The following IL12B variants were observed in gnomAD, a reference collection of about 807,000 sequenced individuals.
The protein encoded by IL12B is interleukin 12B.
IL12B carries 27 observed loss-of-function variants against 39.2 expected under a neutral mutation model. The ratio of observed to expected loss-of-function variants is 0.69; its 90% confidence interval spans 0.51 to 0.95. The LOEUF is 0.95. Ranked by LOEUF, IL12B falls within the 40% of genes least tolerant of loss-of-function variation. The pLI, the probability that IL12B is intolerant of heterozygous loss-of-function variation, is 0.00. For synonymous variants in IL12B, 142 were observed against 152.1 expected, an observed-to-expected ratio of 0.93 and a Z score of 0.49; for missense variants, 351 against 397.6, an observed-to-expected ratio of 0.88 and a Z score of 1.00.
chr5:159,318,626 G>C, intron 6 of IL12B, 110 bp downstream of exon 6: 7 of 1,010,400 alleles, frequency 6.9e-6, no homozygotes, highest in Non-Finnish European at 1.1e-5. Flanking sequence ...TATCCCTGTT[G>C]TTAAGTGATA....
chr5:159,323,413 A>G, intron 2 of IL12B, 84 bp from the exon 3 acceptor site: 1 of 1,308,694 alleles, frequency 7.6e-7, no homozygotes, highest in Non-Finnish European at 1.1e-6. Flanking sequence ...GGGCATCCCC[A>G]TTGCCTAAAC....
At chr5:159,326,222 C>G (rs1754185513) in intron 2 of IL12B, among the ~76,000 whole-genome samples, 1 of 152,104 alleles carries the variant, frequency 6.6e-6, no homozygotes, top group Non-Finnish European at 1.5e-5. Flanking sequence ...ATTGACAGAC[C>G]TAGGACTTGA....
At chr5:159,319,534 G>C (rs1343821679) in intron 5 of IL12B, among the ~76,000 whole-genome samples, 3 of 152,200 alleles carry the variant, frequency 2.0e-5, no homozygotes, top group Admixed American at 6.5e-5. Context: ...GCAGAGACAT[G>C]CTAGGGTGTG....
chr5:159,322,566 T>C lies in IL12B; in HGVS notation c.365-55A>G. The C allele has an allele frequency of 2.7e-6, 3 of 1,120,408 alleles. No homozygotes were observed. The South Asian group carries it at 3.7e-5, about 14-fold the overall frequency. 69.4% of individuals were successfully genotyped at this position (1,120,408 alleles called of 1,614,324 possible). A position where few individuals can be genotyped will look rare whatever the true frequency, so the allele number is the denominator to read the frequency against. On this transcript the variant is annotated intron_variant, in intron 3 of 7. Transcript: ENST00000231228. The stretch of plus-strand genomic sequence containing the variant: ...TTTAGGAGTTTTTTGCAGAAAGGTT[T>C]TGATTGTGATGAATCACAGATCACC...
Position 159,326,767 on chromosome 5 carries a change from A to G in IL12B, c.16T>C (p.Leu6=). The part of the protein sequence containing the change: MCHQQ[L]VISWFSLVFL... ...ACCAGGGAAAACCAAGAGATGACCA[A>G]CTGCTGGTGACACATCTATAAGAAG... is the stretch of plus-strand genomic sequence containing the variant. The change falls in exon 2 of 8, where the codon TTG becomes CTG. Residue 6 remains leucine, a synonymous_variant. Coordinates refer to ENST00000231228, the MANE Select transcript of IL12B (RefSeq NM_002187.3). The G allele has an allele frequency of 3.7e-6, 6 of 1,609,386 alleles. No homozygotes were observed. The highest frequency in any genetic ancestry group is 5.1e-6 in the Non-Finnish European group (6 of 1,175,622).
intron 7 of IL12B, among the ~76,000 whole-genome samples, chr5:159,316,328 C>G (rs557925369): frequency 6.6e-6 from 1 of 152,300 alleles, no homozygotes; most frequent in African/African-American, 2.4e-5. Context: ...TGCTGAAAAC[C>G]CTTCAGTGGG....
At chr5:159,327,138 C>A (rs1486714185) in intron 1 of IL12B, among the ~76,000 whole-genome samples, 1 of 152,138 alleles carries the variant, frequency 6.6e-6, no homozygotes, top group Non-Finnish European at 1.5e-5. Context: ...ATGTGACTTT[C>A]TGGATCAACA....
intron 2 of IL12B, among the ~76,000 whole-genome samples, chr5:159,325,319 C>A (rs1754167418): frequency 6.6e-6 from 1 of 152,100 alleles, no homozygotes; most frequent in African/African-American, 2.4e-5. Flanking sequence ...CAGGCCTTTG[C>A]CTTTACTTAA....
At chr5:159,322,957 A>C in intron 3 of IL12B, 97 bp downstream of exon 3, 1 of 1,163,344 alleles carries the variant, frequency 8.6e-7, no homozygotes, top group African/African-American at 1.5e-5. Flanking sequence ...AATTCATTAC[A>C]CTCACCATGA....
rs559514707 is a variant in IL12B at position 159,319,053 on chromosome 5, C to T, written c.698-160G>A. 7.2e-5 allele frequency among the ~76,000 whole-genome samples: 11 copies of T among 152,290 alleles called. No homozygotes were observed. In the South Asian group the frequency reaches 1.2e-3, roughly 17 times the overall value. On this transcript the variant is annotated intron_variant, in intron 5 of 7. Coordinates refer to ENST00000231228, the MANE Select transcript of IL12B (RefSeq NM_002187.3). The stretch of plus-strand genomic sequence containing the variant: ...GCTGGCAAATGTGAGGCACCTCTGC[C>T]GCAGGTGCTCACGCTGGTGCCTCGG...
At chr5:159,326,625 C>G in intron 2 of IL12B, 70 bp downstream of exon 2, 1 of 1,114,200 alleles carries the variant, frequency 9.0e-7, no homozygotes, top group Non-Finnish European at 1.4e-6. Flanking sequence ...TTTGATTTCC[C>G]ACCAGTGGCT....
chr5:159,317,083 A>G (rs1319738355), intron 6 of IL12B, among the ~76,000 whole-genome samples: 2 of 152,210 alleles, frequency 1.3e-5, no homozygotes, highest in Non-Finnish European at 2.9e-5. Flanking sequence ...GCCTTGCCTC[A>G]AGACCCCATG....
chr5:159,326,858 A>ATTAT, intron 1 of IL12B, 76 bp from the exon 2 acceptor site: 1 of 919,046 alleles, frequency 1.1e-6, no homozygotes, highest in South Asian at 1.3e-5. Context: ...AGAAGAAAGA[A>ATTAT]TGTCAATAAT....
chr5:159,320,785 G>C (rs748637162), intron 4 of IL12B, among the ~76,000 whole-genome samples: 1 of 152,068 alleles, frequency 6.6e-6, no homozygotes, highest in Non-Finnish European at 1.5e-5. Flanking sequence ...AAACCCCCTT[G>C]TTAAAAACTT....
At chr5:159,324,948 TA>T (rs1466864554) in intron 2 of IL12B, among the ~76,000 whole-genome samples, 7 of 151,600 alleles carry the variant, frequency 4.6e-5, no homozygotes, top group Admixed American at 4.6e-4. Context: ...TGTGCTGATG[TA>T]AAACCATGTG....
chr5:159,316,820 CA>C lies in IL12B; in HGVS notation c.856-5del, dbSNP rs776548694. The C allele has an allele frequency of 1.2e-6, 2 of 1,613,892 alleles. No homozygotes were observed. The highest frequency in any genetic ancestry group is 4.5e-5 in the East Asian group (2 of 44,876). ...TGTCCGTGAAGACTCTATCTTTCTG[CA>C]AAAGAGAAGGAAAGCTGTGAAGACC... is the stretch of plus-strand genomic sequence containing the variant. On this transcript the variant is annotated splice_polypyrimidine_tract_variant and splice_region_variant and intron_variant, in intron 6 of 7. Coordinates refer to ENST00000231228, the MANE Select transcript of IL12B (RefSeq NM_002187.3).
At chr5:159,316,940 G>A (rs1754000631) in intron 6 of IL12B, 124 bp from the exon 7 acceptor site, 2 of 1,032,836 alleles carry the variant, frequency 1.9e-6, no homozygotes, top group South Asian at 1.3e-5. Flanking sequence ...CACTGTGCTT[G>A]CAATTCACAG....
rs1754108889 is a variant in IL12B at position 159,322,444 on chromosome 5, C to T, written c.432G>A (p.Trp144Ter). The change falls in exon 4 of 8, where the codon TGG becomes TGA. Residue 144 changes from tryptophan to a stop codon, truncating the protein, a stop_gained. Coordinates refer to ENST00000231228, the MANE Select transcript of IL12B (RefSeq NM_002187.3). LOFTEE classifies it high-confidence loss of function. ...TCAAATCAGTACTGATTGTCGTCAG[C>T]CACCAGCAGGTGAAACGTCCAGAAT... The part of the protein sequence containing the change: ...KNYSGRFTCW[W>*]LTTISTDLTF... The T allele has an allele frequency of 6.2e-7, 1 of 1,613,702 alleles. No individual in the cohort carries two copies. The highest frequency in any genetic ancestry group is 8.5e-7 in the Non-Finnish European group (1 of 1,179,746).
At chr5:159,323,504 C>T (rs1219067613) in intron 2 of IL12B, among the ~76,000 whole-genome samples, 175 bp from the exon 3 acceptor site, 3 of 152,146 alleles carry the variant, frequency 2.0e-5, no homozygotes, top group African/African-American at 7.2e-5. Context: ...GGCTCAAGGT[C>T]ATGGAAAAGA....
Sources: gnomAD v4.1 joint callset for allele counts (sites outside exome capture counted in the v4.1 genomes callset) on GRCh38, gnomAD v4.1.1 for gene constraint, MANE v1.5 for transcripts, NCBI Gene and HGNC (gene_info 2026-07-23, HGNC 2026-07-21) for gene names.